CCDC85A: variants seen among roughly 807,000 people sequenced by gnomAD.
CCDC85A encodes the protein coiled-coil domain-containing protein 85A.
A neutral mutation model predicts 50.2 loss-of-function variants in CCDC85A; 38 were observed. The observed-to-expected ratio is 0.76, with a 90% CI of 0.58 to 0.99. CCDC85A has a LOEUF of 0.99. Among genes scored for constraint, CCDC85A ranks in the 50% least tolerant of loss-of-function variants. The pLI, the probability that CCDC85A is intolerant of heterozygous loss-of-function variation, is 0.00. For missense variants in CCDC85A, 820 were observed against 742.0 expected, an observed-to-expected ratio of 1.11 and a Z score of -1.22; for synonymous variants, 366 against 301.4, an observed-to-expected ratio of 1.21 and a Z score of -2.22.
At chr2:56,241,917 A>G (rs1669274610) in intron 2 of CCDC85A, among the ~76,000 whole-genome samples, 1 of 152,148 alleles carries the variant, frequency 6.6e-6, no homozygotes, top group Non-Finnish European at 1.5e-5. Context: ...TGTTCTTCAT[A>G]GTGTTTGAAC....
intron 2 of CCDC85A, among the ~76,000 whole-genome samples, chr2:56,294,000 A>T (rs1186779526): frequency 6.6e-6 from 1 of 152,184 alleles, no homozygotes; most frequent in African/African-American, 2.4e-5. Flanking sequence ...AAAGATACAT[A>T]TACACTTATG....
intron 2 of CCDC85A, among the ~76,000 whole-genome samples, chr2:56,254,002 G>GTATC (rs1669876917): frequency 6.6e-6 from 1 of 152,066 alleles, no homozygotes; most frequent in Non-Finnish European, 1.5e-5. Flanking sequence ...ATTTACTTGT[G>GTATC]TATCTCCTTG....
At chr2:56,304,916 A>AAC (rs1672369095) in intron 2 of CCDC85A, among the ~76,000 whole-genome samples, 1 of 110,330 alleles carries the variant, frequency 9.1e-6, no homozygotes, top group African/African-American at 3.6e-5. Context: ...AAAAAACAAA[A>AAC]AACAAACAAA....
chr2:56,290,938 C>T (rs1328699634), intron 2 of CCDC85A, among the ~76,000 whole-genome samples: 1 of 152,142 alleles, frequency 6.6e-6, no homozygotes, highest in Non-Finnish European at 1.5e-5. Context: ...TGCTAAAACA[C>T]ACTGTGGGTT....
chr2:56,353,595 G>A (rs1395705448), intron 3 of CCDC85A, among the ~76,000 whole-genome samples: 2 of 152,194 alleles, frequency 1.3e-5, no homozygotes, highest in African/African-American at 4.8e-5. Flanking sequence ...AAGCAGTGAA[G>A]ATTGAATTGG....
chr2:56,328,523 G>A (rs923753762), intron 2 of CCDC85A, among the ~76,000 whole-genome samples: 16 of 152,094 alleles, frequency 1.1e-4, no homozygotes, highest in African/African-American at 3.6e-4. Context: ...CAAGACTGCC[G>A]GTCTCTTCTC....
rs138173722 is a variant in CCDC85A at position 56,246,920 on chromosome 2, G to A, written c.1240+53480G>A. ...TGAAAATATATTTATTTTGAGAAAGGACAGTTCATTCCAATCATCCTTACA... is the reference window on the plus strand; with the variant it reads ...TGAAAATATATTTATTTTGAGAAAGAACAGTTCATTCCAATCATCCTTACA... On this transcript the variant is annotated intron_variant, in intron 2 of 5. Coordinates refer to ENST00000407595, the MANE Select transcript of CCDC85A (RefSeq NM_001080433.2). Among the ~76,000 whole-genome samples the A allele has an allele frequency of 2.6e-3, 401 of 152,256 alleles. 3 individuals are homozygous for A. The highest frequency in any genetic ancestry group is 9.0e-3 in the African/African-American group (376 of 41,552).
intron 2 of CCDC85A, among the ~76,000 whole-genome samples, chr2:56,266,578 G>GACCC (rs71393521): frequency 5.0e-5 from 3 of 60,304 alleles, no homozygotes; most frequent in Admixed American, 3.1e-4. Context: ...ACAATAACGC[G>GACCC]CCCCCCCCCC....
chr2:56,282,467 A>C (rs1023337851), intron 2 of CCDC85A, among the ~76,000 whole-genome samples: 1 of 152,186 alleles, frequency 6.6e-6, no homozygotes, highest in East Asian at 1.9e-4. Flanking sequence ...TGTTGTGTCT[A>C]TATATTTTAA....
intron 2 of CCDC85A, among the ~76,000 whole-genome samples, chr2:56,259,188 G>C (rs1053688739): frequency 6.6e-6 from 1 of 152,200 alleles, no homozygotes. Flanking sequence ...AGGAAGCCTA[G>C]AATGGTGGGG....
intron 2 of CCDC85A, among the ~76,000 whole-genome samples, chr2:56,331,351 T>C (rs563664405): frequency 1.3e-5 from 2 of 152,330 alleles, no homozygotes; most frequent in African/African-American, 4.8e-5. Context: ...GGCACCTGTA[T>C]ACCTATATAA....
At chr2:56,223,609 CA>C (rs1668420161) in intron 2 of CCDC85A, among the ~76,000 whole-genome samples, 2 of 152,150 alleles carry the variant, frequency 1.3e-5, no homozygotes, top group Admixed American at 6.5e-5. Context: ...TCAAAGAAGA[CA>C]AACATTTCCT....
chr2:56,312,296 A>G (rs1034443165), intron 2 of CCDC85A, among the ~76,000 whole-genome samples: 5 of 152,224 alleles, frequency 3.3e-5, no homozygotes, highest in African/African-American at 1.2e-4. Context: ...TGTGACCTAA[A>G]TTAGAATTTC....
intron 2 of CCDC85A, among the ~76,000 whole-genome samples, chr2:56,257,057 C>T (rs931647519): frequency 5.9e-5 from 9 of 152,190 alleles, no homozygotes; most frequent in Admixed American, 3.3e-4. Flanking sequence ...TCAATAAACT[C>T]ACTCTCCATG....
At position 56,192,980 on chromosome 2, in the gene CCDC85A, G is replaced by C; in HGVS notation, c.780G>C (p.Gln260His). The C allele has an allele frequency of 1.2e-6, 2 of 1,613,218 alleles. No individual in the cohort carries two copies. The highest frequency in any genetic ancestry group is 1.7e-6 in the Non-Finnish European group (2 of 1,179,708). Residue 260 changes from glutamine to histidine, a missense_variant, in exon 2 of 6, where the codon CAG (glutamine) becomes CAC (histidine). Coordinates refer to ENST00000407595, the MANE Select transcript of CCDC85A (RefSeq NM_001080433.2). The surrounding 1 kb of genome is among the most constrained non-coding windows in gnomAD (Gnocchi z 4.7). The stretch of plus-strand genomic sequence containing the variant: ...GGAGCGCCAGCCCCGAGCATCCACA[G>C]AAACCCAGAGCCTGTGGAACCCCAG... Reference protein sequence around the residue: ...KHRSASPEHPQKPRACGTPDR... With the variant: ...KHRSASPEHPHKPRACGTPDR...
intron 2 of CCDC85A, among the ~76,000 whole-genome samples, chr2:56,244,205 C>T (rs1281825840): frequency 6.6e-6 from 1 of 152,060 alleles, no homozygotes; most frequent in African/African-American, 2.4e-5. Flanking sequence ...GTCTGGGAGT[C>T]AGGGCCTGGA....
intron 2 of CCDC85A, among the ~76,000 whole-genome samples, chr2:56,295,471 G>A (rs1159230322): frequency 1.3e-5 from 2 of 152,194 alleles, no homozygotes; most frequent in African/African-American, 4.8e-5. Context: ...CTGTTGTGAT[G>A]TAGCAAATCA....
At chr2:56,360,133 G>T (rs1190615025) in intron 3 of CCDC85A, among the ~76,000 whole-genome samples, 1 of 152,040 alleles carries the variant, frequency 6.6e-6, no homozygotes, top group East Asian at 1.9e-4. Context: ...ATTTACTATT[G>T]GTCAATTAAA....
At chr2:56,326,330 G>A (rs1673469497) in intron 2 of CCDC85A, among the ~76,000 whole-genome samples, 1 of 152,118 alleles carries the variant, frequency 6.6e-6, no homozygotes, top group South Asian at 2.1e-4. Flanking sequence ...GTGCTTTTAG[G>A]CAAAGTGCTT....
Sources: allele counts gnomAD v4.1 joint callset (sites outside exome capture counted in the v4.1 genomes callset), GRCh38; gene constraint gnomAD v4.1.1; non-coding constraint Gnocchi (gnomAD v3.1); transcripts MANE v1.5; gene names NCBI Gene and HGNC (gene_info 2026-07-23, HGNC 2026-07-21).